TMC7: variants seen among roughly 807,000 people sequenced by gnomAD.
TMC7 encodes transmembrane channel like 7.
Under a neutral mutation model 82.9 loss-of-function variants are expected in TMC7, and 54 were observed. That is an observed-to-expected ratio of 0.65 (90% CI 0.52 to 0.82). TMC7 has a LOEUF of 0.82. Among genes scored for constraint, TMC7 ranks in the 40% least tolerant of loss-of-function variants. TMC7 has a pLI of 0.00. For missense variants in TMC7, 820 were observed against 901.2 expected (o/e 0.91, Z 1.15); for synonymous variants, 350 against 337.9 (o/e 1.04, Z -0.39).
chr16:19,051,676 C>T lies in TMC7; in HGVS notation c.1741-10C>T. 1 of 1,611,824 alleles carries T rather than the reference C, an allele frequency of 6.2e-7. No individual in the cohort carries two copies. The highest frequency in any genetic ancestry group is 1.3e-5 in the African/African-American group (1 of 74,868). Reference sequence around the variant, plus strand: ...TTGATCTTAATTTTTCTTTCTTTTTCTCCTTGTAGTGGAGTCTGCTTTACA... The same window carrying T: ...TTGATCTTAATTTTTCTTTCTTTTTTTCCTTGTAGTGGAGTCTGCTTTACA... On this transcript the variant is annotated splice_polypyrimidine_tract_variant and intron_variant, in intron 12 of 15. Transcript: ENST00000304381.
intron 12 of TMC7, chr16:19,049,634 C>T: frequency 1.0e-6 from 1 of 985,342 alleles, no homozygotes; most frequent in Non-Finnish European, 1.2e-6. Context: ...CCCGTGGCTT[C>T]GCAGTGTGTA....
At position 19,037,854 on chromosome 16, in the gene TMC7, G is replaced by A; in HGVS notation, c.1006-20G>A. 6.2e-7 allele frequency: 1 copy of A among 1,607,156 alleles called. No individual in the cohort carries two copies. The highest frequency in any genetic ancestry group is 8.5e-7 in the Non-Finnish European group (1 of 1,176,990). ...TCCCTTCATCCCACTGCTCACAAGT[G>A]AATTTTCTTTTATCTTCAGGCAGAT... On this transcript the variant is annotated intron_variant, in intron 7 of 15. Transcript: ENST00000304381.
In TMC7 at chr16:19,056,518, GC is replaced by G. The variant is rs753466285; in HGVS notation, c.1872-21del. The G allele has an allele frequency of 2.1e-5, 33 of 1,608,968 alleles. No homozygotes were observed. The Admixed American group carries it at 3.5e-4, about 17-fold the overall frequency. The stretch of plus-strand genomic sequence containing the variant: ...AACCTGTGCTGCACGCTCCTTCTGA[GC>G]CCGTTGGTCTGTGTCCTGGCAGCAT... On this transcript the variant is annotated intron_variant, in intron 13 of 15. Transcript: ENST00000304381.
chr16:19,062,969 C>G lies in TMC7; in HGVS notation c.*1126C>G, dbSNP rs1466460951. 6.6e-6 allele frequency: 1 copy of G among 152,178 alleles called. No homozygotes were observed. Among genetic ancestry groups the G allele is most frequent in the Non-Finnish European group, 1.5e-5 (1 of 68,032 alleles). The allele number at this position is 152,178 out of a possible 1,614,324, so 9.4% of individuals were successfully genotyped here. A position where few individuals can be genotyped will look rare whatever the true frequency, so the allele number is the denominator to read the frequency against. On this transcript the variant is annotated 3_prime_UTR_variant, in exon 16 of 16. Coordinates refer to ENST00000304381, the MANE Select transcript of TMC7 (RefSeq NM_024847.4). ...AATAATTCTCCCGGCCATCTCCACTCCACTACTCAAAAATGCCTGAATCCT... is the reference window on the plus strand; with the variant it reads ...AATAATTCTCCCGGCCATCTCCACTGCACTACTCAAAAATGCCTGAATCCT...
intron 13 of TMC7, among the ~76,000 whole-genome samples, chr16:19,053,507 G>A (rs932335836): frequency 7.2e-5 from 11 of 151,858 alleles, no homozygotes; most frequent in Non-Finnish European, 1.5e-4. Context: ...AGGTTCAAGC[G>A]ATTCTCCTGC....
chr16:19,012,100 A>G (rs1050670890), intron 2 of TMC7: 2 of 148,290 alleles, frequency 1.3e-5, no homozygotes, highest in Non-Finnish European at 3.0e-5. Flanking sequence ...ACTGCACTTC[A>G]GTCTGGGTGA....
chr16:19,038,169 C>A, intron 8 of TMC7, 122 bp downstream of exon 8: 1 of 986,866 alleles, frequency 1.0e-6, no homozygotes, highest in Non-Finnish European at 1.5e-6. Flanking sequence ...TGATCAAGAC[C>A]TGAAAATCAG....
Position 19,051,661 on chromosome 16 carries a change from T to TC in TMC7, c.1741-25_1741-24insC, listed in dbSNP as rs1961546723. On this transcript the variant is annotated intron_variant, in intron 12 of 15. Coordinates refer to ENST00000304381, the MANE Select transcript of TMC7 (RefSeq NM_024847.4). Reference sequence around the variant, plus strand: ...CAGAAGCTGTACTTATTGATCTTAATTTTTCTTTCTTTTTCTCCTTGTAGT... The same window carrying TC: ...CAGAAGCTGTACTTATTGATCTTAATCTTTTCTTTCTTTTTCTCCTTGTAGT... The TC allele has an allele frequency of 6.8e-6, 11 of 1,611,534 alleles. No homozygotes were observed. In the East Asian group the frequency reaches 2.5e-4, roughly 36 times the overall value.
At chr16:18,998,355 G>A (rs977164484) in intron 1 of TMC7, among the ~76,000 whole-genome samples, 2 of 152,194 alleles carry the variant, frequency 1.3e-5, no homozygotes, top group Non-Finnish European at 2.9e-5. Flanking sequence ...GGCAGGGTGG[G>A]TTGGGAAACT....
In TMC7 at chr16:19,062,973, T is replaced by A. The variant is rs1962070171; in HGVS notation, c.*1130T>A. Reference sequence around the variant, plus strand: ...ATTCTCCCGGCCATCTCCACTCCACTACTCAAAAATGCCTGAATCCTTGCT... The same window carrying A: ...ATTCTCCCGGCCATCTCCACTCCACAACTCAAAAATGCCTGAATCCTTGCT... On this transcript the variant is annotated 3_prime_UTR_variant, in exon 16 of 16. Coordinates refer to ENST00000304381, the MANE Select transcript of TMC7 (RefSeq NM_024847.4). The A allele has an allele frequency of 6.6e-6, 1 of 152,216 alleles. No individual in the cohort carries two copies. The highest frequency in any genetic ancestry group is 1.9e-4 in the East Asian group (1 of 5,202). The allele number at this position is 152,216 out of a possible 1,614,324, so 9.4% of individuals were successfully genotyped here.
chr16:19,035,905 G>A, intron 7 of TMC7, 82 bp downstream of exon 7: 1 of 1,479,124 alleles, frequency 6.8e-7, no homozygotes, highest in Non-Finnish European at 9.0e-7. Context: ...AGCTTGCAGA[G>A]GATCAAGGGT....
At chr16:19,008,584 C>T (rs367692839) in intron 1 of TMC7, among the ~76,000 whole-genome samples, 2 of 152,118 alleles carry the variant, frequency 1.3e-5, no homozygotes, top group Admixed American at 1.3e-4. Context: ...TAAGGCTGGG[C>T]TTAGAACTGG....
chr16:19,037,756 A>G (rs1017461414), intron 7 of TMC7, 118 bp from the exon 8 acceptor site: 5 of 1,118,212 alleles, frequency 4.5e-6, no homozygotes, highest in Non-Finnish European at 6.3e-6. Flanking sequence ...TACAGGAGTG[A>G]GCCACCATGC....
chr16:19,003,210 G>C (rs974678247), intron 1 of TMC7, among the ~76,000 whole-genome samples: 1 of 152,238 alleles, frequency 6.6e-6, no homozygotes, highest in Non-Finnish European at 1.5e-5. Context: ...GTAGTGGTGT[G>C]CATCTGTAGT....
intron 1 of TMC7, among the ~76,000 whole-genome samples, chr16:18,997,410 C>G (rs1368506469): frequency 6.6e-6 from 1 of 152,118 alleles, no homozygotes; most frequent in Non-Finnish European, 1.5e-5. Context: ...CACTCTGTCA[C>G]CCAGACTGGA....
chr16:19,032,076 G>A (rs542336534), intron 6 of TMC7, among the ~76,000 whole-genome samples: 23 of 152,276 alleles, frequency 1.5e-4, no homozygotes, highest in African/African-American at 4.8e-4. Context: ...CCATCTCTGC[G>A]CCAGGGGGGT....
Position 19,059,505 on chromosome 16 carries a change from A to G in TMC7, c.2106+11A>G. 2 of 1,614,150 alleles carry G rather than the reference A, an allele frequency of 1.2e-6. No homozygotes were observed. The highest frequency in any genetic ancestry group is 1.7e-6 in the Non-Finnish European group (2 of 1,180,036). ...GAGCAGCTATCCCTGGTAAGGAAGC[A>G]TAGCTCCAGAGGGTCATGGCTGGGG... On this transcript the variant is annotated intron_variant, in intron 15 of 15. Transcript: ENST00000304381.
At chr16:19,004,041 TTA>T (rs140631945) in intron 1 of TMC7, among the ~76,000 whole-genome samples, 63,777 of 127,332 alleles carry the variant, frequency 0.5, 16,183 homozygotes, top group East Asian at 0.7. Flanking sequence ...AAAAATAAAT[TTA>T]AAAAAAAAAA....
intron 11 of TMC7, among the ~76,000 whole-genome samples, chr16:19,046,049 G>C (rs928623682): frequency 1.4e-4 from 21 of 152,116 alleles, no homozygotes; most frequent in African/African-American, 5.1e-4. Flanking sequence ...CTTTCAAGCA[G>C]CTCTAGGCTG....
Sources: gnomAD v4.1 joint callset for allele counts (sites outside exome capture counted in the v4.1 genomes callset) on GRCh38, gnomAD v4.1.1 for gene constraint, MANE v1.5 for transcripts, NCBI Gene and HGNC (gene_info 2026-07-23, HGNC 2026-07-21) for gene names.